The following LRP1B variants were observed in gnomAD, a reference collection of about 807,000 sequenced individuals.
The protein encoded by LRP1B is low-density lipoprotein receptor-related protein 1B.
Under a neutral mutation model 556.6 loss-of-function variants are expected in LRP1B, and 217 were observed. The observed-to-expected ratio is 0.39, with a 90% CI of 0.35 to 0.44. The LOEUF (loss-of-function observed/expected upper bound fraction) is 0.44, where lower values mean the gene tolerates loss of function less well. LRP1B is among the 20% of genes least tolerant of loss of function. The probability of loss-of-function intolerance (pLI) is 1.00; values close to 1 mark genes in which losing one functional copy is unlikely to be tolerated. For synonymous variants in LRP1B, 2,047 were observed against 1,865.8 expected, an observed-to-expected ratio of 1.10 and a Z score of -2.50; for missense variants, 5,053 against 5,620.8, an observed-to-expected ratio of 0.90 and a Z score of 3.23.
chr2:141,106,580 G>T (rs999880096), intron 7 of LRP1B, among the ~76,000 whole-genome samples: 35 of 151,832 alleles, frequency 2.3e-4, no homozygotes, highest in Admixed American at 2.1e-3. Flanking sequence ...ACTCAATTAT[G>T]CAAACCTTGC....
At chr2:141,878,218 C>G (rs1487362339) in intron 1 of LRP1B, among the ~76,000 whole-genome samples, 1 of 151,844 alleles carries the variant, frequency 6.6e-6, no homozygotes, top group East Asian at 1.9e-4. Context: ...TGGCCACCAG[C>G]CAGAATCCTC....
intron 1 of LRP1B, among the ~76,000 whole-genome samples, chr2:142,061,694 A>G (rs1251694179): frequency 6.6e-6 from 1 of 152,018 alleles, no homozygotes. Flanking sequence ...AATTTAATCA[A>G]TTCAAAAGTT....
At chr2:141,369,679 A>G (rs1305084131) in intron 3 of LRP1B, among the ~76,000 whole-genome samples, 3 of 152,140 alleles carry the variant, frequency 2.0e-5, no homozygotes, top group Admixed American at 6.6e-5. Context: ...ATTTGTATAT[A>G]TTCATGGGGT....
chr2:140,602,037 C>T (rs776743052), intron 41 of LRP1B, among the ~76,000 whole-genome samples: 51 of 152,014 alleles, frequency 3.4e-4, no homozygotes, highest in Non-Finnish European at 5.3e-4. Flanking sequence ...TGAGTTTTCT[C>T]TTGATACTAT....
chr2:142,015,991 C>CAAAAAAAAAAAA (rs70994471), intron 1 of LRP1B, among the ~76,000 whole-genome samples: 521 of 38,748 alleles, frequency 0.013, 114 homozygotes, highest in East Asian at 0.024. Context: ...GACTCCATCT[C>CAAAAAAAAAAAA]AAAAAAAAAA....
At chr2:140,542,707 C>T (rs546239526) in intron 43 of LRP1B, among the ~76,000 whole-genome samples, 1 of 152,130 alleles carries the variant, frequency 6.6e-6, no homozygotes, top group African/African-American at 2.4e-5. Flanking sequence ...AAACAGAGCC[C>T]AGAGAACTCC....
chr2:140,265,563 G>C (rs530877242), intron 86 of LRP1B, among the ~76,000 whole-genome samples: 1 of 152,086 alleles, frequency 6.6e-6, no homozygotes, highest in African/African-American at 2.4e-5. Context: ...ATACTATATA[G>C]ATAGTCCAAA....
intron 1 of LRP1B, among the ~76,000 whole-genome samples, chr2:142,085,761 A>G (rs1705894780): frequency 6.6e-6 from 1 of 152,222 alleles, no homozygotes; most frequent in Non-Finnish European, 1.5e-5. Flanking sequence ...CATTTAACTC[A>G]TATCTTCAAT....
At chr2:140,665,531 C>T (rs1685237094) in intron 41 of LRP1B, among the ~76,000 whole-genome samples, 1 of 152,088 alleles carries the variant, frequency 6.6e-6, no homozygotes, top group South Asian at 2.1e-4. Flanking sequence ...AATTATTTTC[C>T]CTTTTTTCCA....
At chr2:140,854,350 A>C (rs1692552244) in intron 27 of LRP1B, among the ~76,000 whole-genome samples, 1 of 152,174 alleles carries the variant, frequency 6.6e-6, no homozygotes, top group African/African-American at 2.4e-5. Context: ...TACTAAAATT[A>C]AAAATTGCAT....
At chr2:142,021,277 A>G (rs1202253677) in intron 1 of LRP1B, among the ~76,000 whole-genome samples, 1 of 151,978 alleles carries the variant, frequency 6.6e-6, no homozygotes, top group East Asian at 1.9e-4. Flanking sequence ...TGTTGAATAG[A>G]TTTTTGAGAT....
intron 3 of LRP1B, among the ~76,000 whole-genome samples, chr2:141,358,202 G>A (rs1241234131): frequency 1.3e-5 from 2 of 152,148 alleles, no homozygotes; most frequent in Admixed American, 6.5e-5. Context: ...GTTTAATACA[G>A]AGAATTACTT....
At chr2:140,840,111 A>G in intron 30 of LRP1B, 26 bp from the exon 31 acceptor site, 2 of 1,353,670 alleles carry the variant, frequency 1.5e-6, no homozygotes, top group Non-Finnish European at 2.1e-6. Flanking sequence ...ATATGGATTG[A>G]AAATATTAGA....
intron 6 of LRP1B, among the ~76,000 whole-genome samples, chr2:141,197,632 G>C (rs1283242560): frequency 6.6e-6 from 1 of 152,046 alleles, no homozygotes; most frequent in Non-Finnish European, 1.5e-5. Flanking sequence ...ATTTGAAAAA[G>C]ATCATTCTGG....
intron 1 of LRP1B, among the ~76,000 whole-genome samples, chr2:141,880,249 T>G (rs1435479307): frequency 6.6e-6 from 1 of 151,972 alleles, no homozygotes; most frequent in Non-Finnish European, 1.5e-5. Flanking sequence ...GTCATTGTTG[T>G]ACTGTTGGCT....
chr2:141,890,487 A>C (rs1699259411), intron 1 of LRP1B, among the ~76,000 whole-genome samples: 1 of 151,410 alleles, frequency 6.6e-6, no homozygotes, highest in South Asian at 2.1e-4. Flanking sequence ...ACACGTCTGC[A>C]AGTATATATC....
At chr2:141,188,607 A>G in intron 6 of LRP1B, 24 bp from the exon 7 acceptor site, 1 of 1,606,166 alleles carries the variant, frequency 6.2e-7, no homozygotes, top group Non-Finnish European at 8.5e-7. Context: ...ACACAAAATC[A>G]TTGAATCACA....
chr2:141,060,319 C>G (rs1699300939), intron 8 of LRP1B, among the ~76,000 whole-genome samples: 1 of 151,562 alleles, frequency 6.6e-6, no homozygotes, highest in African/African-American at 2.4e-5. Flanking sequence ...CATGTTATAG[C>G]CCGAATAGTT....
intron 83 of LRP1B, among the ~76,000 whole-genome samples, chr2:140,311,124 CAGAT>C (rs1310304333): frequency 6.6e-6 from 1 of 151,728 alleles, no homozygotes; most frequent in Non-Finnish European, 1.5e-5. Flanking sequence ...GGAGATTTCT[CAGAT>C]AGCTAAAAAT....
Sources: gnomAD v4.1 joint callset for allele counts (sites outside exome capture counted in the v4.1 genomes callset) on GRCh38, gnomAD v4.1.1 for gene constraint, MANE v1.5 for transcripts, NCBI Gene and HGNC (gene_info 2026-07-23, HGNC 2026-07-21) for gene names.